LSP1: variants seen among roughly 807,000 people sequenced by gnomAD.
The protein encoded by LSP1 is lymphocyte specific protein 1.
Under a neutral mutation model 49.3 loss-of-function variants are expected in LSP1, and 32 were observed. The ratio of observed to expected loss-of-function variants is 0.65; its 90% CI spans 0.49 to 0.87. The LOEUF is 0.87. Ranked by LOEUF, LSP1 falls within the 40% of genes least tolerant of loss-of-function variation. The pLI, the probability that LSP1 is intolerant of heterozygous loss-of-function variation, is 0.00. For synonymous variants in LSP1, 179 were observed against 178.8 expected, an observed-to-expected ratio of 1.00 and a Z score of -0.01; for missense variants, 428 against 442.6, an observed-to-expected ratio of 0.97 and a Z score of 0.30.
chr11:1,869,843 C>T (rs1003648222), intron 1 of LSP1: 7 of 465,952 alleles, frequency 1.5e-5, no homozygotes, highest in Admixed American at 4.7e-5. Flanking sequence ...TGAATTTCTG[C>T]ACCCGGACTG....
chr11:1,854,624 G>T (rs1055462810), intron 1 of LSP1, among the ~76,000 whole-genome samples: 37 of 152,354 alleles, frequency 2.4e-4, no homozygotes, highest in African/African-American at 8.7e-4. Context: ...CTAAGCAGAG[G>T]CCGGGGCTGG....
chr11:1,868,658 G>A (rs1340907189), intron 1 of LSP1: 1 of 985,438 alleles, frequency 1.0e-6, no homozygotes, highest in East Asian at 1.1e-4. Context: ...GGGTGGGGTA[G>A]CCCCCGCCCT....
In LSP1 at chr11:1,887,478, C is replaced by A; in HGVS notation, c.935C>A (p.Thr312Asn). The change falls in exon 10 of 11, where the codon ACC (threonine) becomes AAC (asparagine). Residue 312 changes from threonine to asparagine, a missense_variant. Physicochemically the swap from Thr to Asn is moderately conservative, Grantham distance 65. Coordinates refer to ENST00000311604, the MANE Select transcript of LSP1 (RefSeq NM_002339.3). ...GSKTSSTIKSTPSGKRYKFVA... is the reference protein window; with the variant it reads ...GSKTSSTIKSNPSGKRYKFVA... ...CTTGGTCTCCTTTCCCAACAGAGCA[C>A]CCCATCTGGGAAGAGGTATAAGTTT... The A allele has an allele frequency of 6.2e-7, 1 of 1,613,820 alleles. No individual in the cohort carries two copies. The highest frequency in any genetic ancestry group is 8.5e-7 in the Non-Finnish European group (1 of 1,179,800).
chr11:1,868,585 C>A (rs1847872214), intron 1 of LSP1: 18 of 921,186 alleles, frequency 2.0e-5, no homozygotes, highest in Non-Finnish European at 2.3e-5. Flanking sequence ...GGAAGCCAGG[C>A]CTCCAACCAC....
In LSP1 at chr11:1,884,073, T is replaced by C. The variant is rs1313793145; in HGVS notation, c.591+49T>C. On this transcript the variant is annotated intron_variant, in intron 5 of 10. Transcript: ENST00000311604. This position sits in a 1 kb window ranked among gnomAD's most constrained non-coding sequence, Gnocchi z 4.1. ...CATCTTCTCCCCTCTCCCGTACTCA[T>C]ACCCAAAAGGCCAATCCCACATGCC... The C allele has an allele frequency of 2.6e-6, 4 of 1,554,908 alleles. No homozygotes were observed. Among genetic ancestry groups the C allele is most frequent in the South Asian group, 2.3e-5 (2 of 86,330 alleles).
intron 1 of LSP1, among the ~76,000 whole-genome samples, chr11:1,857,218 A>C (rs1847511738): frequency 6.6e-6 from 1 of 152,024 alleles, no homozygotes; most frequent in Admixed American, 6.5e-5. Context: ...CTGATTCTGG[A>C]AGCCAGAATC....
At chr11:1,889,199 C>T (rs543124864) in intron 10 of LSP1, 33 of 673,872 alleles carry the variant, frequency 4.9e-5, no homozygotes, top group South Asian at 3.7e-4. Context: ...GCTGGGGGCT[C>T]AGCTCCAGGA....
At chr11:1,881,391 C>A in intron 2 of LSP1, 41 bp from the exon 3 acceptor site, 1 of 1,518,100 alleles carries the variant, frequency 6.6e-7, no homozygotes, top group South Asian at 1.2e-5. Flanking sequence ...GCAGAGGAGG[C>A]AGCAGCCGCC....
intron 1 of LSP1, among the ~76,000 whole-genome samples, chr11:1,857,206 C>T (rs980426316): frequency 6.6e-6 from 1 of 152,188 alleles, no homozygotes; most frequent in Non-Finnish European, 1.5e-5. Context: ...GCCCCACCCC[C>T]GCTGATTCTG....
intron 1 of LSP1, among the ~76,000 whole-genome samples, chr11:1,873,175 G>T (rs1815958651): frequency 6.6e-6 from 1 of 151,948 alleles, no homozygotes; most frequent in South Asian, 2.1e-4. Context: ...GATGGGGAGA[G>T]GGGAGGGCTG....
At chr11:1,872,183 G>A (rs1193933157) in intron 1 of LSP1, among the ~76,000 whole-genome samples, 7 of 131,722 alleles carry the variant, frequency 5.3e-5, no homozygotes, top group African/African-American at 1.5e-4. Flanking sequence ...GGGTCTGTCC[G>A]GCTGGCGTGG....
intron 1 of LSP1, among the ~76,000 whole-genome samples, chr11:1,857,778 A>C (rs745874299): frequency 7.9e-5 from 12 of 152,140 alleles, no homozygotes; most frequent in Non-Finnish European, 1.8e-4. Context: ...TATTTGAGAC[A>C]GAGTCTCGCT....
At chr11:1,865,551 G>T (rs749978536) in intron 1 of LSP1, among the ~76,000 whole-genome samples, 4 of 140,078 alleles carry the variant, frequency 2.9e-5, no homozygotes, top group Non-Finnish European at 6.2e-5. Flanking sequence ...CACCCGCACC[G>T]CCGGCTGCAC....
intron 1 of LSP1, among the ~76,000 whole-genome samples, chr11:1,861,884 T>G: frequency 6.7e-6 from 1 of 149,560 alleles, no homozygotes; most frequent in East Asian, 2.0e-4. Context: ...GATAGATGGA[T>G]GAATAGATGG....
chr11:1,857,491 T>C (rs1185545823), intron 1 of LSP1, among the ~76,000 whole-genome samples: 1 of 152,164 alleles, frequency 6.6e-6, no homozygotes, highest in East Asian at 1.9e-4. Context: ...CCCAGTGGTC[T>C]CCCGCTCTGA....
chr11:1,881,197 C>A, intron 2 of LSP1: 1 of 501,180 alleles, frequency 2.0e-6, no homozygotes, highest in Non-Finnish European at 3.5e-6. Context: ...CTCAAGGAGT[C>A]CTGGACTGAT....
At chr11:1,859,258 G>C (rs1847562808) in intron 1 of LSP1, among the ~76,000 whole-genome samples, 1 of 152,248 alleles carries the variant, frequency 6.6e-6, no homozygotes, top group African/African-American at 2.4e-5. Flanking sequence ...TGTCCACTGG[G>C]GCAGGGGGTG....
intron 1 of LSP1, among the ~76,000 whole-genome samples, chr11:1,868,193 C>T (rs1337013461): frequency 1.3e-5 from 2 of 152,266 alleles, no homozygotes; most frequent in African/African-American, 2.4e-5. Context: ...GCCCTGCTAC[C>T]TGTGGGGTCC....
chr11:1,883,867 T>C, intron 4 of LSP1, 65 bp from the exon 5 acceptor site: 2 of 1,421,634 alleles, frequency 1.4e-6, no homozygotes, highest in South Asian at 2.5e-5. Context: ...TTCCCACAGG[T>C]GCTGGGCAGG....
Sources: gnomAD v4.1 joint callset for allele counts (sites outside exome capture counted in the v4.1 genomes callset) on GRCh38, gnomAD v4.1.1 for gene constraint, Gnocchi (gnomAD v3.1) non-coding constraint, MANE v1.5 for transcripts, NCBI Gene and HGNC (gene_info 2026-07-23, HGNC 2026-07-21) for gene names.